The following RSL1D1 variants were observed in gnomAD, a reference collection of about 807,000 sequenced individuals.
RSL1D1 encodes ribosomal L1 domain-containing protein 1.
In RSL1D1, 34 loss-of-function variants were observed where a neutral mutation model predicts 44.6. The observed-to-expected ratio is 0.76, with a 90% CI of 0.58 to 1.02. RSL1D1 has a LOEUF of 1.02. RSL1D1 is among the 50% of genes least tolerant of loss of function. The pLI, the probability that RSL1D1 is intolerant of heterozygous loss-of-function variation, is 0.00. For missense variants in RSL1D1, 767 were observed against 568.1 expected, an observed-to-expected ratio of 1.35 and a Z score of -3.56; for synonymous variants, 271 against 207.4, an observed-to-expected ratio of 1.31 and a Z score of -2.63.
chr16:11,841,435 C>G (rs2053763201), intron 7 of RSL1D1: 1 of 314,274 alleles, frequency 3.2e-6, no homozygotes, highest in African/African-American at 2.2e-5. Context: ...AGCACTGGAT[C>G]TAACAAAAAT....
At chr16:11,851,329 C>A in intron 1 of RSL1D1, 79 bp downstream of exon 1, 5 of 1,331,632 alleles carry the variant, frequency 3.8e-6, no homozygotes, top group Non-Finnish European at 1.1e-6. Context: ...GCCGAGCACG[C>A]ACTCGGGTTC....
chr16:11,846,561 C>T lies in RSL1D1; in HGVS notation c.575G>A (p.Arg192Lys). Reference sequence around the variant, plus strand: ...TCCACCTATACAGTCATTGATCTCTCTTGATAAATTCTTGGACAGAAGGTT... The same window carrying T: ...TCCACCTATACAGTCATTGATCTCTTTTGATAAATTCTTGGACAGAAGGTT... ...SVNLLSKNLS[R>K]EINDCIGGTV... The change falls in exon 5 of 9, where the codon AGA becomes AAA. Residue 192 changes from arginine (R) to lysine (K), a missense_variant. Coordinates refer to ENST00000571133, the MANE Select transcript of RSL1D1 (RefSeq NM_015659.3). 1 of 1,608,926 alleles carries T rather than the reference C, an allele frequency of 6.2e-7. No homozygotes were observed. The highest frequency in any genetic ancestry group is 1.1e-5 in the South Asian group (1 of 90,302).
chr16:11,838,868 A>C (rs1339326360), intron 8 of RSL1D1, among the ~76,000 whole-genome samples: 10 of 146,842 alleles, frequency 6.8e-5, no homozygotes, highest in African/African-American at 2.2e-4. Context: ...AAAAAAAAAA[A>C]CAAAAAAAAA....
In RSL1D1 at chr16:11,841,748, C is replaced by T. The variant is rs756545256; in HGVS notation, c.802G>A (p.Val268Ile). Residue 268 changes from valine (V) to isoleucine (I), a missense_variant, in exon 7 of 9, where the codon GTC becomes ATC. Coordinates refer to ENST00000571133, the MANE Select transcript of RSL1D1 (RefSeq NM_015659.3). The stretch of plus-strand genomic sequence containing the variant: ...TTGGTGGCTTCATCCCAATTGCTGA[C>T]AAACGAGGAAAAGATGGGAAGTGCA... ...SAALPIFSSF[V>I]SNWDEATKRS... 1.4e-5 allele frequency: 22 copies of T among 1,613,890 alleles called. No homozygotes were observed. The highest frequency in any genetic ancestry group is 1.7e-6 in the Non-Finnish European group (2 of 1,179,978).
chr16:11,849,039 A>C (rs941631529), intron 2 of RSL1D1, among the ~76,000 whole-genome samples: 2 of 152,030 alleles, frequency 1.3e-5, no homozygotes, highest in African/African-American at 4.8e-5. Flanking sequence ...CTCACCTCCC[A>C]AAGTGCTGAG....
At chr16:11,838,412 C>T (rs945718629) in intron 8 of RSL1D1, among the ~76,000 whole-genome samples, 33 of 152,050 alleles carry the variant, frequency 2.2e-4, no homozygotes, top group Admixed American at 3.9e-4. Context: ...ATCCACCTGC[C>T]TCGGCCTCCC....
rs1463005556 is a variant in RSL1D1 at position 11,839,901 on chromosome 16, A to T, written c.940T>A (p.Ser314Thr). ...KKRQQARKTA[S>T]VLSKDDVAPE... is the part of the protein sequence containing the mutation. The stretch of plus-strand genomic sequence containing the variant: ...GCCACATCATCTTTACTAAGAACTG[A>T]TGCAGTCTTCCTAGCCTGCTGCCTC... Residue 314 changes from serine to threonine, a missense_variant, in exon 8 of 9, where the codon TCA (serine) becomes ACA (threonine). Physicochemically the swap from Ser to Thr is moderately conservative, Grantham distance 58. Transcript: ENST00000571133. 6.2e-7 allele frequency: 1 copy of T among 1,614,146 alleles called. No homozygotes were observed. Among genetic ancestry groups the T allele is most frequent in the Non-Finnish European group, 8.5e-7 (1 of 1,180,034 alleles).
At chr16:11,848,529 C>T (rs1452106895) in intron 2 of RSL1D1, among the ~76,000 whole-genome samples, 1 of 152,158 alleles carries the variant, frequency 6.6e-6, no homozygotes, top group Non-Finnish European at 1.5e-5. Context: ...ACTCTTTCTT[C>T]TTTTCCTTTT....
Position 11,850,368 on chromosome 16 carries a change from GT to G in RSL1D1, c.155del (p.Asn52ThrfsTer7). 1 of 1,600,368 alleles carries G rather than the reference GT, an allele frequency of 6.2e-7. No individual in the cohort carries two copies. The highest frequency in any genetic ancestry group is 8.5e-7 in the Non-Finnish European group (1 of 1,176,772). On this transcript the variant is annotated frameshift_variant, in exon 2 of 9. Coordinates refer to ENST00000571133, the MANE Select transcript of RSL1D1 (RefSeq NM_015659.3). LOFTEE classifies it high-confidence loss of function. The stretch of plus-strand genomic sequence containing the variant: ...TCTCATTCAAAAGCAACCCATAATT[GT>G]TTTTCCTGGACTTGCAATGCGTCAA... ...ALLTHCKSRK[N>X]NYGLLLNENE... is the part of the protein sequence containing the mutation.
rs1055827534 is a variant in RSL1D1, at chr16:11,839,042, A to G, written c.1146+653T>C. Among the ~76,000 whole-genome samples the G allele has an allele frequency of 2.6e-5, 4 of 152,098 alleles. No homozygotes were observed. The East Asian group carries it at 7.7e-4, about 29-fold the overall frequency. Reference sequence around the variant, plus strand: ...GCTGCACATCCCTGGCACATGGTGTAGGGCAAGGGTTCCCAGATTCTCTGT... The same window carrying G: ...GCTGCACATCCCTGGCACATGGTGTGGGGCAAGGGTTCCCAGATTCTCTGT... On this transcript the variant is annotated intron_variant, in intron 8 of 8. Transcript: ENST00000571133.
intron 7 of RSL1D1, 37 bp from the exon 8 acceptor site, chr16:11,840,022 C>T (rs772384695): frequency 2.3e-5 from 37 of 1,600,266 alleles, no homozygotes; most frequent in Non-Finnish European, 3.1e-5. Context: ...TTAGCAGGAA[C>T]AGTTCTGTTG....
At chr16:11,842,708 T>C (rs1417231816) in intron 5 of RSL1D1, among the ~76,000 whole-genome samples, 2 of 151,794 alleles carry the variant, frequency 1.3e-5, no homozygotes, top group Non-Finnish European at 2.9e-5. Context: ...TCATCTTTCA[T>C]GTACTAGAAA....
chr16:11,844,493 G>C (rs2241104), intron 5 of RSL1D1, among the ~76,000 whole-genome samples: 4 of 152,036 alleles, frequency 2.6e-5, no homozygotes, highest in Non-Finnish European at 5.9e-5. Flanking sequence ...CAAAGGGGTA[G>C]GGGTCTAGGC....
intron 7 of RSL1D1, 96 bp from the exon 8 acceptor site, chr16:11,840,081 GC>G: frequency 6.6e-7 from 1 of 1,517,754 alleles, no homozygotes; most frequent in Non-Finnish European, 8.8e-7. Flanking sequence ...TTATCCATAA[GC>G]CCCTAAATGG....
chr16:11,838,109 T>A lies in RSL1D1; in HGVS notation c.1151A>T (p.Gln384Leu). 1 of 1,562,402 alleles carries A rather than the reference T, an allele frequency of 6.4e-7. No individual in the cohort carries two copies. Among genetic ancestry groups the A allele is most frequent in the Non-Finnish European group, 8.6e-7 (1 of 1,161,382 alleles). Residue 384 changes from glutamine (Q) to leucine (L), a missense_variant, in exon 9 of 9, where the codon CAA becomes CTA. Gln to Leu is a moderately radical substitution (Grantham distance 113). Transcript: ENST00000571133. The part of the protein sequence containing the change: ...KTPANEKVEI[Q>L]KHATGKKSPA... ...AGACTTCTTTCCTGTGGCATGTTTT[T>A]GAATCTAAGAAAAAAAAAAGTAAGT...
Position 11,838,091 on chromosome 16 carries a change from TTTCC to T in RSL1D1, c.1165_1168del (p.Gly389ArgfsTer50), listed in dbSNP as rs2053735170. 1 of 1,572,118 alleles carries T rather than the reference TTTCC, an allele frequency of 6.4e-7. No homozygotes were observed. The highest frequency in any genetic ancestry group is 8.6e-7 in the Non-Finnish European group (1 of 1,167,002). On this transcript the variant is annotated frameshift_variant, in exon 9 of 9. Transcript: ENST00000571133. LOFTEE classifies it low-confidence loss of function (END_TRUNC). ...ATTAGGACTCTTTGCTGGAGACTTC[TTTCC>T]TGTGGCATGTTTTTGAATCTAAGAA...
rs745676801 is a variant in RSL1D1 at position 11,847,678 on chromosome 16, G to A, written c.374C>T (p.Thr125Ile). 6.2e-6 allele frequency: 10 copies of A among 1,610,414 alleles called. No individual in the cohort carries two copies. In the Middle Eastern group the frequency reaches 6.8e-4, roughly 110 times the overall value. The change falls in exon 3 of 9, where the codon ACC (threonine) becomes ATC (isoleucine). Residue 125 changes from threonine (T) to isoleucine (I), a missense_variant. Transcript: ENST00000571133. ...AACCAGGCTTCCTACCTGAGAAACG[G>A]TTTTAATTCCATGCTTGTTTAAAAG... The part of the protein sequence containing the change: ...RKLLNKHGIK[T>I]VSQIISLQTL...
At chr16:11,844,151 C>T (rs752715483) in intron 5 of RSL1D1, among the ~76,000 whole-genome samples, 32 of 152,266 alleles carry the variant, frequency 2.1e-4, no homozygotes, top group South Asian at 6.2e-4. Flanking sequence ...CCTGTCACCA[C>T]CTGCCTGCAA....
At chr16:11,840,201 T>G (rs943308164) in intron 7 of RSL1D1, among the ~76,000 whole-genome samples, 10 of 152,214 alleles carry the variant, frequency 6.6e-5, no homozygotes, top group Non-Finnish European at 1.3e-4. Flanking sequence ...TATACCGGCA[T>G]TTCAGAATCT....
Sources: allele counts gnomAD v4.1 joint callset (sites outside exome capture counted in the v4.1 genomes callset), GRCh38; gene constraint gnomAD v4.1.1; transcripts MANE v1.5; gene names NCBI Gene and HGNC (gene_info 2026-07-23, HGNC 2026-07-21).